MUSK: variants seen among roughly 807,000 people sequenced by gnomAD.
The protein encoded by MUSK is muscle associated receptor tyrosine kinase.
In MUSK, 55 loss-of-function variants were observed where a neutral mutation model predicts 88.7. That is an observed-to-expected ratio of 0.62 (90% CI 0.50 to 0.78). MUSK has a LOEUF of 0.78. MUSK is among the 30% of genes least tolerant of loss of function. The probability of loss-of-function intolerance (pLI) is 0.00; values close to 1 mark genes in which losing one functional copy is unlikely to be tolerated. For synonymous variants in MUSK, 387 were observed against 391.9 expected (o/e 0.99, Z 0.15); for missense variants, 1,015 against 1,074.3 (o/e 0.94, Z 0.77).
chr9:110,733,412 T>C (rs918743148), intron 5 of MUSK, among the ~76,000 whole-genome samples: 11 of 152,054 alleles, frequency 7.2e-5, no homozygotes, highest in Admixed American at 7.2e-4. Flanking sequence ...CTAAGTACCC[T>C]CCAATTTGTA....
At chr9:110,676,364 T>TATATATTATATATTATATATA (rs777356764) in intron 1 of MUSK, among the ~76,000 whole-genome samples, 13 of 124,356 alleles carry the variant, frequency 1.0e-4, no homozygotes, top group African/African-American at 3.5e-4. Context: ...TATTATATAT[T>TATATATTATATATTATATATA]ATATATGTGT....
chr9:110,684,008 TG>T (rs977614985), intron 2 of MUSK, among the ~76,000 whole-genome samples: 2 of 152,106 alleles, frequency 1.3e-5, no homozygotes, highest in Admixed American at 1.3e-4. Flanking sequence ...TGTCCATTTT[TG>T]TTTTGGTTGC....
chr9:110,698,833 A>G (rs181809638), intron 5 of MUSK, among the ~76,000 whole-genome samples: 84 of 152,314 alleles, frequency 5.5e-4, no homozygotes, highest in South Asian at 1.9e-3. Context: ...TGATTTATTC[A>G]GTAAAAACTA....
At chr9:110,671,774 C>A (rs2075959981) in intron 1 of MUSK, among the ~76,000 whole-genome samples, 1 of 152,096 alleles carries the variant, frequency 6.6e-6, no homozygotes, top group Admixed American at 6.5e-5. Flanking sequence ...ACATTTAATG[C>A]TTTATTAGGG....
At position 110,762,223 on chromosome 9, in the gene MUSK, T is replaced by C. The variant is rs375548227; in HGVS notation, c.920+15T>C. The C allele has an allele frequency of 1.1e-5, 16 of 1,415,716 alleles. No individual in the cohort carries two copies. The highest frequency in any genetic ancestry group is 3.1e-5 in the African/African-American group (2 of 64,918). The allele number at this position is 1,415,716 out of a possible 1,614,324, so 87.7% of individuals were successfully genotyped here. ...ATAGAATGGAGGTAAGAAACTGTTATTGTAACAATTGTTTCCAATGTTTTG... is the reference window on the plus strand; with the variant it reads ...ATAGAATGGAGGTAAGAAACTGTTACTGTAACAATTGTTTCCAATGTTTTG... On this transcript the variant is annotated intron_variant, in intron 8 of 14. Transcript: ENST00000374448.
chr9:110,736,245 T>C (rs987605218), intron 6 of MUSK, among the ~76,000 whole-genome samples: 4 of 152,128 alleles, frequency 2.6e-5, no homozygotes, highest in African/African-American at 9.7e-5. Flanking sequence ...AAATTTCACA[T>C]GTACCCCATA....
intron 5 of MUSK, among the ~76,000 whole-genome samples, chr9:110,727,032 A>G (rs532919867): frequency 9.3e-4 from 141 of 152,234 alleles, no homozygotes; most frequent in Non-Finnish European, 1.7e-3. Flanking sequence ...ATATTGTAAA[A>G]AAAAGATTTC....
chr9:110,775,731 A>G (rs979841133), intron 9 of MUSK, 57 bp from the exon 10 acceptor site: 2 of 1,526,152 alleles, frequency 1.3e-6, no homozygotes, highest in Middle Eastern at 3.7e-4. Flanking sequence ...GCTCTGCCAC[A>G]AATTTGCTTT....
At chr9:110,770,416 C>T (rs2077554705) in intron 9 of MUSK, among the ~76,000 whole-genome samples, 2 of 143,798 alleles carry the variant, frequency 1.4e-5, no homozygotes, top group African/African-American at 2.5e-5. Context: ...TAGTATATAA[C>T]TTATATAATT....
At position 110,681,049 on chromosome 9, in the gene MUSK, ATTATATATT is replaced by A. The variant is rs2076111181; in HGVS notation, c.80-1624_80-1616del. On this transcript the variant is annotated intron_variant, in intron 1 of 14. Transcript: ENST00000374448. ...ATATATTATATATTATATAATATATATTATATATTATATATATAATATTATATATATTAT... is the reference window on the plus strand; with the variant it reads ...ATATATTATATATTATATAATATATAATATATATAATATTATATATATTAT... Among the ~76,000 whole-genome samples, 3 of 13,952 alleles carry A rather than the reference ATTATATATT, an allele frequency of 2.2e-4. 1 individual carries two copies. The highest frequency in any genetic ancestry group is 1.3e-3 in the African/African-American group (2 of 1,558). 9.2% of individuals were successfully genotyped at this position (13,952 alleles called of 152,430 possible).
Position 110,800,427 on chromosome 9 carries a change from G to C in MUSK, c.2049G>C (p.Leu683Phe). The C allele has an allele frequency of 1.9e-6, 3 of 1,613,816 alleles. No homozygotes were observed. The highest frequency in any genetic ancestry group is 2.5e-6 in the Non-Finnish European group (3 of 1,179,854). The change falls in exon 15 of 15, where the codon TTG (leucine) becomes TTC (phenylalanine). Residue 683 changes from leucine to phenylalanine, a missense_variant. Leu to Phe is a conservative substitution (Grantham distance 22). Transcript: ENST00000374448. ...TGTGCAGCCTCAGTCACAGTGACTT[G>C]TCTATGAGGGCTCAGGTCTCCAGCC... ...HTVCSLSHSDLSMRAQVSSPG... is the reference protein window; with the variant it reads ...HTVCSLSHSDFSMRAQVSSPG...
chr9:110,734,387 G>C lies in MUSK; in HGVS notation c.753+12G>C. The C allele has an allele frequency of 6.2e-7, 1 of 1,613,046 alleles. No homozygotes were observed. The highest frequency in any genetic ancestry group is 8.5e-7 in the Non-Finnish European group (1 of 1,179,276). ...AAAACGGAAATGCTGTGAGTGTCAT[G>C]TGTGTGGGGACTTGTCTGGGGAAGA... On this transcript the variant is annotated intron_variant, in intron 6 of 14. Coordinates refer to ENST00000374448, the MANE Select transcript of MUSK (RefSeq NM_005592.4).
At position 110,724,811 on chromosome 9, in the gene MUSK, G is replaced by A. The variant is rs192250597; in HGVS notation, c.629-9440G>A. On this transcript the variant is annotated intron_variant, in intron 5 of 14. Transcript: ENST00000374448. ...TTGTAATATCATAACACCAACTTGAGTAGTACTCTTTGTGCTATAATTATT... is the reference window on the plus strand; with the variant it reads ...TTGTAATATCATAACACCAACTTGAATAGTACTCTTTGTGCTATAATTATT... Among the ~76,000 whole-genome samples, 409 of 151,896 alleles carry A rather than the reference G, an allele frequency of 2.7e-3. 2 individuals carry two copies. The highest frequency in any genetic ancestry group is 9.3e-3 in the African/African-American group (387 of 41,464).
intron 6 of MUSK, among the ~76,000 whole-genome samples, chr9:110,736,461 AG>A (rs1342938824): frequency 6.6e-6 from 1 of 152,110 alleles, no homozygotes; most frequent in African/African-American, 2.4e-5. Context: ...AAAGTCTCTG[AG>A]ATAATGGTAT....
Position 110,800,733 on chromosome 9 carries a change from G to A in MUSK, c.2355G>A (p.Val785=). 6.2e-7 allele frequency: 1 copy of A among 1,614,002 alleles called. No homozygotes were observed. The highest frequency in any genetic ancestry group is 8.5e-7 in the Non-Finnish European group (1 of 1,179,902). The change falls in exon 15 of 15, where the codon GTG becomes GTA. Residue 785 remains valine (V), a synonymous_variant. Transcript: ENST00000374448. ...FYNRYTTESD[V]WAYGVVLWEI... is the part of the protein sequence containing the mutation. ...ACCGCTACACTACAGAGTCTGATGT[G>A]TGGGCCTATGGCGTGGTCCTCTGGG...
intron 6 of MUSK, among the ~76,000 whole-genome samples, chr9:110,740,824 C>CCCTT (rs530708749): frequency 7.5e-4 from 114 of 152,206 alleles, no homozygotes; most frequent in African/African-American, 2.4e-3. Flanking sequence ...CGGGCCTGAA[C>CCCTT]CCTTATTCAA....
At chr9:110,754,765 T>C (rs532306552) in intron 7 of MUSK, among the ~76,000 whole-genome samples, 3 of 152,350 alleles carry the variant, frequency 2.0e-5, no homozygotes, top group African/African-American at 7.2e-5. Context: ...CTTCCCACTA[T>C]TGTATTTGTA....
chr9:110,739,975 T>C (rs1222545261), intron 6 of MUSK, among the ~76,000 whole-genome samples: 7 of 152,154 alleles, frequency 4.6e-5, no homozygotes, highest in Non-Finnish European at 1.0e-4. Context: ...ATGGTACCAT[T>C]TGGAGATCAA....
At chr9:110,800,233 T>C in intron 14 of MUSK, 73 bp from the exon 15 acceptor site, 2 of 1,158,458 alleles carry the variant, frequency 1.7e-6, no homozygotes, top group South Asian at 2.9e-5. Flanking sequence ...ACATGGTCGT[T>C]TGCTTTTGGA....
Sources: allele counts gnomAD v4.1 joint callset (sites outside exome capture counted in the v4.1 genomes callset), GRCh38; gene constraint gnomAD v4.1.1; transcripts MANE v1.5; gene names NCBI Gene and HGNC (gene_info 2026-07-23, HGNC 2026-07-21).